SGCD: variants seen among roughly 807,000 people sequenced by gnomAD.
SGCD encodes sarcoglycan delta, also known as delta-sarcoglycan.
Under a neutral mutation model 36.6 loss-of-function variants are expected in SGCD, and 18 were observed. The observed-to-expected ratio is 0.49, with a 90% CI of 0.34 to 0.73. The LOEUF (loss-of-function observed/expected upper bound fraction) is 0.73. Among genes scored for constraint, SGCD ranks in the 30% least tolerant of loss-of-function variants. The pLI is 0.01. For synonymous variants in SGCD, 133 were observed against 130.6 expected (o/e 1.02, Z -0.12); for missense variants, 387 against 346.7 (o/e 1.12, Z -0.92).
At chr5:156,249,513 GT>G (rs1271030742) in intron 3 of SGCD, among the ~76,000 whole-genome samples, 1 of 152,138 alleles carries the variant, frequency 6.6e-6, no homozygotes, top group Non-Finnish European at 1.5e-5. Context: ...GATTTTCTAT[GT>G]TCTGACACTC....
chr5:155,966,080 G>T (rs1757898099), intron 1 of SGCD, among the ~76,000 whole-genome samples: 1 of 152,036 alleles, frequency 6.6e-6, no homozygotes, highest in South Asian at 2.1e-4. Context: ...AAAATAGAAT[G>T]CACTCATTAA....
At chr5:156,315,980 A>G (rs907643252) in intron 3 of SGCD, among the ~76,000 whole-genome samples, 1 of 151,974 alleles carries the variant, frequency 6.6e-6, no homozygotes, top group Admixed American at 6.6e-5. Flanking sequence ...CAGAGCAATT[A>G]AGGAAGAAAA....
At chr5:155,839,076 G>C in the SGCD span, among the ~76,000 whole-genome samples, 15 of 150,608 alleles carry the variant, frequency 1.0e-4, no homozygotes, top group African/African-American at 3.4e-4. Context: ...TTACATTCTT[G>C]TGAGACTTTA....
At chr5:156,108,920 A>G (rs1243562554) in intron 1 of SGCD, among the ~76,000 whole-genome samples, 1 of 152,216 alleles carries the variant, frequency 6.6e-6, no homozygotes, top group Non-Finnish European at 1.5e-5. Flanking sequence ...AGTTTAAAAA[A>G]TGGAACCTTT....
chr5:156,750,161 T>C (rs1303614378), intron 7 of SGCD, among the ~76,000 whole-genome samples: 1 of 152,048 alleles, frequency 6.6e-6, no homozygotes, highest in African/African-American at 2.4e-5. Flanking sequence ...TTCACATTAA[T>C]TAATGATAGA....
chr5:156,050,356 T>C (rs761610875), intron 1 of SGCD, among the ~76,000 whole-genome samples: 6 of 146,110 alleles, frequency 4.1e-5, no homozygotes, highest in Non-Finnish European at 9.2e-5. Context: ...TAGTTAGTGT[T>C]TTTTACTAAT....
chr5:156,252,073 C>CT (rs112337099), intron 3 of SGCD, among the ~76,000 whole-genome samples: 9,040 of 146,448 alleles, frequency 0.062, 802 homozygotes, highest in African/African-American at 0.2. Context: ...ATTTTTTTTT[C>CT]TTTTTTTTTT....
chr5:156,010,426 G>A (rs920327612), intron 1 of SGCD, among the ~76,000 whole-genome samples: 9 of 152,162 alleles, frequency 5.9e-5, no homozygotes, highest in Non-Finnish European at 1.2e-4. Flanking sequence ...CTGTTTGTTA[G>A]TGTTAAAATC....
At chr5:155,754,985 C>T in the SGCD span, among the ~76,000 whole-genome samples, 531 of 152,182 alleles carry the variant, frequency 3.5e-3, 9 homozygotes, top group Non-Finnish European at 7.4e-4. Flanking sequence ...AAATGGGTGA[C>T]GCACCCATCA....
At chr5:156,739,656 A>G (rs987544826) in intron 7 of SGCD, 2 of 152,222 alleles carry the variant, frequency 1.3e-5, no homozygotes, top group African/African-American at 4.8e-5. Flanking sequence ...GTATTTACCT[A>G]TGGAAGCTGC....
intron 7 of SGCD, among the ~76,000 whole-genome samples, chr5:156,676,530 C>A (rs1321118484): frequency 6.6e-6 from 1 of 152,090 alleles, no homozygotes; most frequent in Non-Finnish European, 1.5e-5. Flanking sequence ...TGGGGCGGCT[C>A]TTGAAACAGG....
the SGCD span, among the ~76,000 whole-genome samples, chr5:155,829,096 T>A: frequency 6.6e-6 from 1 of 152,144 alleles, no homozygotes; most frequent in Admixed American, 6.6e-5. Context: ...AGTTATTAAG[T>A]CATTTCTCAC....
rs532047855 is a variant in SGCD, at chr5:156,103,130, G to T, written c.-281-14748G>T. ...TGGATTGATCTTCCAGTAAATTTTA[G>T]CTACTGCTAGTTGAATCTCAACATT... On this transcript the variant is annotated intron_variant, in intron 1 of 9. Coordinates refer to the SGCD transcript ENST00000517913. 3.3e-5 allele frequency among the ~76,000 whole-genome samples: 5 copies of T among 152,200 alleles called. No individual in the cohort carries two copies. The South Asian group carries it at 1.0e-3, about 32-fold the overall frequency.
chr5:156,076,999 G>T (rs1355451295), intron 1 of SGCD, among the ~76,000 whole-genome samples: 2 of 152,166 alleles, frequency 1.3e-5, no homozygotes, highest in Non-Finnish European at 2.9e-5. Flanking sequence ...TCTCTGTATG[G>T]AAAATATAAT....
chr5:156,576,521 A>G (rs1342252196), intron 4 of SGCD, among the ~76,000 whole-genome samples: 3 of 152,164 alleles, frequency 2.0e-5, no homozygotes, highest in Non-Finnish European at 1.5e-5. Flanking sequence ...CAATGGTTGA[A>G]CTAGTTTACA....
rs1019223254 is a variant in SGCD at position 156,766,228 on chromosome 5, C to T, written c.*6838C>T. On this transcript the variant is annotated 3_prime_UTR_variant, in exon 9 of 9. Coordinates refer to ENST00000337851, the MANE Select transcript of SGCD (RefSeq NM_000337.6). Reference sequence around the variant, plus strand: ...TCTTTGACACTATTTGGTCAGTATTCTTCTTTACCTTTACTTGTGGCAAAA... The same window carrying T: ...TCTTTGACACTATTTGGTCAGTATTTTTCTTTACCTTTACTTGTGGCAAAA... 1 of 152,054 alleles carries T rather than the reference C, an allele frequency of 6.6e-6. No homozygotes were observed. Among genetic ancestry groups the T allele is most frequent in the African/African-American group, 2.4e-5 (1 of 41,394 alleles). The allele number at this position is 152,054 out of a possible 1,614,324, so 9.4% of individuals were successfully genotyped here. A position where few individuals can be genotyped will look rare whatever the true frequency, so the allele number is the denominator to read the frequency against.
chr5:156,172,256 C>G (rs570869974), intron 3 of SGCD, among the ~76,000 whole-genome samples: 84 of 152,232 alleles, frequency 5.5e-4, no homozygotes, highest in African/African-American at 1.8e-3. Flanking sequence ...GCACTCCAGC[C>G]TAGTCGAAAA....
At chr5:156,500,289 G>A (rs551640002) in intron 3 of SGCD, among the ~76,000 whole-genome samples, 5 of 152,136 alleles carry the variant, frequency 3.3e-5, no homozygotes, top group African/African-American at 4.8e-5. Flanking sequence ...TTTTCTGAGC[G>A]CATAATAATT....
intron 3 of SGCD, among the ~76,000 whole-genome samples, chr5:156,435,882 T>G (rs1365131464): frequency 6.6e-6 from 1 of 152,208 alleles, no homozygotes; most frequent in African/African-American, 2.4e-5. Flanking sequence ...TCCCAATGTT[T>G]ACGCAGGCTA....
Sources: allele counts gnomAD v4.1 joint callset (sites outside exome capture counted in the v4.1 genomes callset), GRCh38; gene constraint gnomAD v4.1.1; transcripts MANE v1.5; gene names NCBI Gene and HGNC (gene_info 2026-07-23, HGNC 2026-07-21).